C19orf44: variants seen among roughly 807,000 people sequenced by gnomAD.
The protein encoded by C19orf44 is chromosome 19 open reading frame 44.
A neutral mutation model predicts 50.7 loss-of-function variants in C19orf44; 43 were observed. The observed-to-expected ratio is 0.85, with a 90% CI of 0.66 to 1.09. The LOEUF (loss-of-function observed/expected upper bound fraction) is 1.09. C19orf44 is among the 50% of genes least tolerant of loss of function. The probability of loss-of-function intolerance (pLI) is 0.00; values close to 1 mark genes in which losing one functional copy is unlikely to be tolerated. For missense variants in C19orf44, 722 were observed against 836.2 expected, an observed-to-expected ratio of 0.86 and a Z score of 1.68; for synonymous variants, 298 against 334.7, an observed-to-expected ratio of 0.89 and a Z score of 1.20.
chr19:16,520,730 G>T lies in C19orf44; in HGVS notation c.*677G>T. ...ACCGCCCCATAGGCACAGGCTGTGT[G>T]AGGGTGGACGTGATGAGTGTATCTG... On this transcript the variant is annotated 3_prime_UTR_variant, in exon 9 of 9. Transcript: ENST00000221671. The surrounding 1 kb of genome is among the most constrained non-coding windows in gnomAD (Gnocchi z 4.0). 7.7e-7 allele frequency: 1 copy of T among 1,291,870 alleles called. No individual in the cohort carries two copies. The highest frequency in any genetic ancestry group is 1.1e-6 in the Non-Finnish European group (1 of 895,388). 80.0% of individuals were successfully genotyped at this position (1,291,870 alleles called of 1,614,324 possible).
intron 7 of C19orf44, 123 bp from the exon 8 acceptor site, chr19:16,517,107 A>G: frequency 1.2e-6 from 1 of 858,624 alleles, no homozygotes; most frequent in East Asian, 2.7e-5. Flanking sequence ...GTGGTTTTAC[A>G]CTTCTGTCAC....
intron 7 of C19orf44, 96 bp downstream of exon 7, chr19:16,514,759 A>C: frequency 7.4e-7 from 1 of 1,343,874 alleles, no homozygotes; most frequent in South Asian, 1.6e-5. Flanking sequence ...CCTGGGCTCC[A>C]GCGCTCAGCC....
chr19:16,513,106 G>A lies in C19orf44; in HGVS notation c.1732G>A (p.Glu578Lys), dbSNP rs1157453057. 6.2e-7 allele frequency: 1 copy of A among 1,613,862 alleles called. No individual in the cohort carries two copies. The highest frequency in any genetic ancestry group is 1.1e-5 in the South Asian group (1 of 91,078). ...ANHVISADAI[E>K]ALTAYSPAVL... ...TCATGTTATCAGTGCAGATGCAATA[G>A]AAGGTAACAGCCCGGCTCGGGGGAT... Residue 578 changes from glutamate (E) to lysine (K), a missense_variant, in exon 6 of 9, where the codon GAA (glutamate) becomes AAA (lysine). Glu to Lys is a moderately conservative substitution (Grantham distance 56). Transcript: ENST00000221671.
intron 6 of C19orf44, 141 bp from the exon 7 acceptor site, chr19:16,514,355 GC>G: frequency 1.2e-6 from 1 of 862,136 alleles, no homozygotes; most frequent in Non-Finnish European, 1.7e-6. Flanking sequence ...CTGTACTCCA[GC>G]CTGGGTGGCA....
Position 16,501,181 on chromosome 19 carries a change from G to A in C19orf44, c.389G>A (p.Arg130Lys), listed in dbSNP as rs759382859. Residue 130 changes from arginine to lysine, a missense_variant, in exon 2 of 9, where the codon AGA becomes AAA. Transcript: ENST00000221671. Reference protein sequence around the residue: ...SMTADAGLPKRADRILSGGAL... With the variant: ...SMTADAGLPKKADRILSGGAL... ...ACCGCCGATGCTGGTCTTCCAAAGA[G>A]AGCTGACAGAATCCTCTCTGGGGGT... is the stretch of plus-strand genomic sequence containing the variant. The A allele has an allele frequency of 1.2e-6, 2 of 1,614,140 alleles. No individual in the cohort carries two copies. Among genetic ancestry groups the A allele is most frequent in the Non-Finnish European group, 1.7e-6 (2 of 1,180,040 alleles).
rs1467739653 is a variant in C19orf44, at chr19:16,500,847, A to G, written c.55A>G (p.Ser19Gly). 4 of 1,609,026 alleles carry G rather than the reference A, an allele frequency of 2.5e-6. No individual in the cohort carries two copies. The highest frequency in any genetic ancestry group is 2.2e-5 in the East Asian group (1 of 44,866). ...CATGCGTGATGTTTTTGGTGACTTC[A>G]GTGATGTTTCCTTGGAAGATTCAAC... ...RPMRDVFGDF[S>G]DVSLEDSTME... is the part of the protein sequence containing the mutation. Residue 19 changes from serine to glycine, a missense_variant, in exon 2 of 9, where the codon AGT becomes GGT. Ser to Gly is a moderately conservative substitution (Grantham distance 56, BLOSUM62 0). Transcript: ENST00000221671.
intron 6 of C19orf44, among the ~76,000 whole-genome samples, chr19:16,513,399 G>A (rs62116861): frequency 2.0e-5 from 3 of 152,184 alleles, no homozygotes; most frequent in South Asian, 2.1e-4. Flanking sequence ...TTGTTTGTTC[G>A]TTTTGAGACA....
At chr19:16,517,410 G>A in intron 8 of C19orf44, 69 bp downstream of exon 8, 1 of 1,149,974 alleles carries the variant, frequency 8.7e-7, no homozygotes, top group Non-Finnish European at 1.3e-6. Flanking sequence ...GTCCAAGTGT[G>A]ACGTTCCGTG....
At chr19:16,518,873 G>C (rs1387884932) in intron 8 of C19orf44, 3 of 439,866 alleles carry the variant, frequency 6.8e-6, no homozygotes, top group Admixed American at 8.5e-5. Context: ...ATTTACTCGG[G>C]CGGAGGGTCT....
At chr19:16,501,599 A>AT (rs760914620) in intron 2 of C19orf44, 48 bp downstream of exon 2, 3,626 of 1,075,484 alleles carry the variant, frequency 3.4e-3, no homozygotes, top group Middle Eastern at 4.4e-3. Flanking sequence ...ATTTAATTTA[A>AT]TTTTTTTTTT....
At chr19:16,511,794 G>A (rs776047588) in intron 5 of C19orf44, among the ~76,000 whole-genome samples, 10 of 151,868 alleles carry the variant, frequency 6.6e-5, no homozygotes, top group Non-Finnish European at 1.3e-4. Flanking sequence ...AAGGTAGACT[G>A]GATGTGAAAA....
In C19orf44 at chr19:16,501,536, A is replaced by T. The variant is rs767164001; in HGVS notation, c.744A>T (p.Glu248Asp). ...FSSANVSEEE[E>D]RKLFSVPSQL... is the part of the protein sequence containing the mutation. ...GCGCTAACGTCAGCGAGGAAGAAGAAAGAAAACTATTTTCGGTGAGATTTT... is the reference window on the plus strand; with the variant it reads ...GCGCTAACGTCAGCGAGGAAGAAGATAGAAAACTATTTTCGGTGAGATTTT... The change falls in exon 2 of 9, where the codon GAA becomes GAT. Residue 248 changes from glutamate (E) to aspartate (D), a missense_variant. Transcript: ENST00000221671. The T allele has an allele frequency of 7.8e-6, 11 of 1,410,360 alleles. No homozygotes were observed. The highest frequency in any genetic ancestry group is 1.0e-5 in the Non-Finnish European group (11 of 1,074,884). 87.4% of individuals were successfully genotyped at this position (1,410,360 alleles called of 1,614,324 possible). A position where few individuals can be genotyped will look rare whatever the true frequency, so the allele number is the denominator to read the frequency against.
At chr19:16,510,061 A>G (rs767600030) in intron 5 of C19orf44, 73 bp downstream of exon 5, 1 of 1,606,934 alleles carries the variant, frequency 6.2e-7, no homozygotes, top group Non-Finnish European at 8.5e-7. Flanking sequence ...GCATCCTGGG[A>G]GACACGTGGG....
At chr19:16,496,532 T>G in intron 1 of C19orf44, 67 bp downstream of exon 1, 2 of 302,836 alleles carry the variant, frequency 6.6e-6, no homozygotes, top group South Asian at 2.9e-5. Context: ...TACGGGGAAA[T>G]GGGGCCTTCT....
At chr19:16,518,393 A>C (rs2085568170) in intron 8 of C19orf44, 1 of 152,190 alleles carries the variant, frequency 6.6e-6, no homozygotes, top group South Asian at 2.1e-4. Context: ...GAAGTGTCTT[A>C]GGCTGGTTTC....
Position 16,519,477 on chromosome 19 carries a change from C to T in C19orf44, c.*41-617C>T. The T allele has an allele frequency of 7.8e-7, 1 of 1,275,318 alleles. No individual in the cohort carries two copies. 79.0% of individuals were successfully genotyped at this position (1,275,318 alleles called of 1,614,324 possible). A position where few individuals can be genotyped will look rare whatever the true frequency, so the allele number is the denominator to read the frequency against. On this transcript the variant is annotated intron_variant, in intron 8 of 8. Transcript: ENST00000221671. The surrounding 1 kb of genome is among the most constrained non-coding windows in gnomAD (Gnocchi z 6.0). Reference sequence around the variant, plus strand: ...TGGGTAGAGAGAACCCGCAGGCCGGCCCTGTCTAGAGGGTCTGGGTGGAGT... The same window carrying T: ...TGGGTAGAGAGAACCCGCAGGCCGGTCCTGTCTAGAGGGTCTGGGTGGAGT...
rs746416232 is a variant in C19orf44, at chr19:16,503,170, C to T, written c.865C>T (p.Leu289Phe). Reference sequence around the variant, plus strand: ...AACCTCCCTGGCAGCAGACAGAACCCTTCACAGCACTCGCTCAAGAGCAGA... The same window carrying T: ...AACCTCCCTGGCAGCAGACAGAACCTTTCACAGCACTCGCTCAAGAGCAGA... Reference protein sequence around the residue: ...LPTSLAADRTLHSTRSRADYP... With the variant: ...LPTSLAADRTFHSTRSRADYP... Residue 289 changes from leucine (L) to phenylalanine (F), a missense_variant, in exon 3 of 9, where the codon CTT (leucine) becomes TTT (phenylalanine). Transcript: ENST00000221671. 74 of 1,614,040 alleles carry T rather than the reference C, an allele frequency of 4.6e-5. No homozygotes were observed. Among genetic ancestry groups the T allele is most frequent in the Non-Finnish European group, 5.9e-5 (70 of 1,180,040 alleles).
Position 16,514,518 on chromosome 19 carries a change from C to A in C19orf44, c.1757C>A (p.Ala586Asp). ...AIEALTAYSP[A>D]VLALHDVLKQ... ...TCAGCCCTGACCGCTTACAGCCCGG[C>A]CGTGCTGGCACTCCATGATGTGCTG... The change falls in exon 7 of 9, where the codon GCC (alanine) becomes GAC (aspartate). Residue 586 changes from alanine to aspartate, a missense_variant. Coordinates refer to ENST00000221671, the MANE Select transcript of C19orf44 (RefSeq NM_032207.4). 1 of 1,611,308 alleles carries A rather than the reference C, an allele frequency of 6.2e-7. No individual in the cohort carries two copies. Among genetic ancestry groups the A allele is most frequent in the Non-Finnish European group, 8.5e-7 (1 of 1,179,388 alleles).
chr19:16,503,895 C>A (rs2093432754), intron 3 of C19orf44, among the ~76,000 whole-genome samples: 1 of 152,114 alleles, frequency 6.6e-6, no homozygotes, highest in Non-Finnish European at 1.5e-5. Context: ...CAATTTAAAC[C>A]TGTTGGAAGC....
Sources: gnomAD v4.1 joint callset for allele counts (sites outside exome capture counted in the v4.1 genomes callset) on GRCh38, gnomAD v4.1.1 for gene constraint, Gnocchi (gnomAD v3.1) non-coding constraint, MANE v1.5 for transcripts, NCBI Gene and HGNC (gene_info 2026-07-23, HGNC 2026-07-21) for gene names.